Variants in UNC5D observed in about 807,000 individuals in gnomAD.
The protein encoded by UNC5D is netrin receptor UNC5D.
A neutral mutation model predicts 105.4 loss-of-function variants in UNC5D; 39 were observed. The ratio of observed to expected loss-of-function variants is 0.37; its 90% CI spans 0.29 to 0.48. The LOEUF (loss-of-function observed/expected upper bound fraction) is 0.48, where lower values mean the gene tolerates loss of function less well. Among genes scored for constraint, UNC5D ranks in the 20% least tolerant of loss-of-function variants. The pLI is 0.98. For missense variants in UNC5D, 991 were observed against 1,202.4 expected (o/e 0.82, Z 2.60); for synonymous variants, 452 against 450.4 (o/e 1.00, Z -0.04).
chr8:35,289,416 A>G (rs1442342331), intron 1 of UNC5D, among the ~76,000 whole-genome samples: 1 of 152,224 alleles, frequency 6.6e-6, no homozygotes, highest in African/African-American at 2.4e-5. Flanking sequence ...TAGCAGGGGA[A>G]TCTGAACACC....
intron 11 of UNC5D, among the ~76,000 whole-genome samples, chr8:35,746,522 G>T (rs1830014549): frequency 6.6e-6 from 1 of 152,090 alleles, no homozygotes; most frequent in Non-Finnish European, 1.5e-5. Context: ...GTAAGGAAAT[G>T]CCTAATGCCT....
At chr8:35,405,944 T>G (rs1804775391) in intron 1 of UNC5D, among the ~76,000 whole-genome samples, 2 of 152,222 alleles carry the variant, frequency 1.3e-5, no homozygotes, top group Admixed American at 6.5e-5. Flanking sequence ...ATTCTAGGTT[T>G]GCAGACTTAA....
At chr8:35,350,274 G>T (rs769694687) in intron 1 of UNC5D, among the ~76,000 whole-genome samples, 2 of 151,800 alleles carry the variant, frequency 1.3e-5, no homozygotes, top group African/African-American at 4.8e-5. Flanking sequence ...ACAAATTGTA[G>T]CATAGTCATT....
At chr8:35,393,169 G>T (rs1435934808) in intron 1 of UNC5D, among the ~76,000 whole-genome samples, 1 of 112,004 alleles carries the variant, frequency 8.9e-6, no homozygotes, top group African/African-American at 3.5e-5. Context: ...GAGTCTCGCT[G>T]TCGCCCAGGC....
intron 1 of UNC5D, among the ~76,000 whole-genome samples, chr8:35,426,714 C>T (rs1011961742): frequency 6.6e-6 from 1 of 152,064 alleles, no homozygotes; most frequent in African/African-American, 2.4e-5. Context: ...TTTTGTTGCA[C>T]CCACATGCCC....
chr8:35,621,689 T>G (rs973357031), intron 4 of UNC5D, among the ~76,000 whole-genome samples: 3 of 152,154 alleles, frequency 2.0e-5, no homozygotes, highest in African/African-American at 7.2e-5. Flanking sequence ...AGGTCAAAAA[T>G]TCACACCATA....
chr8:35,750,790 A>G lies in UNC5D; in HGVS notation c.2144A>G (p.Asn715Ser). Residue 715 changes from asparagine (N) to serine (S), a missense_variant, in exon 13 of 17, where the codon AAT becomes AGT. Coordinates refer to ENST00000404895, the MANE Select transcript of UNC5D (RefSeq NM_080872.4). ...AACTTGAGAGTTTACTGTGTGGACA[A>G]TACCCCTTGTGCATTTCAGGTTAGC... Reference protein sequence around the residue: ...DYNLRVYCVDNTPCAFQEVVS... With the variant: ...DYNLRVYCVDSTPCAFQEVVS... 1.2e-6 allele frequency: 2 copies of G among 1,614,126 alleles called. No individual in the cohort carries two copies. The highest frequency in any genetic ancestry group is 1.7e-5 in the Admixed American group (1 of 60,026).
At chr8:35,633,259 A>T (rs894485048) in intron 4 of UNC5D, among the ~76,000 whole-genome samples, 4 of 152,118 alleles carry the variant, frequency 2.6e-5, no homozygotes, top group African/African-American at 7.2e-5. Context: ...ATATCTCTAC[A>T]TGCTTGTTCA....
chr8:35,495,689 A>T (rs751407473), intron 1 of UNC5D, among the ~76,000 whole-genome samples: 1 of 151,980 alleles, frequency 6.6e-6, no homozygotes, highest in African/African-American at 2.4e-5. Flanking sequence ...TTCTCAGTTT[A>T]CCTGGGTTCA....
At chr8:35,587,283 AACAC>A (rs35992580) in intron 3 of UNC5D, among the ~76,000 whole-genome samples, 16 of 150,190 alleles carry the variant, frequency 1.1e-4, no homozygotes, top group South Asian at 6.4e-4. Context: ...GTACCATTCA[AACAC>A]ACACACACAC....
chr8:35,526,901 C>G (rs1236280593), intron 1 of UNC5D, among the ~76,000 whole-genome samples: 1 of 152,146 alleles, frequency 6.6e-6, no homozygotes, highest in Non-Finnish European at 1.5e-5. Context: ...ACACGGTCTT[C>G]CTCCTTGACC....
At chr8:35,569,011 A>G (rs1250087097) in intron 3 of UNC5D, among the ~76,000 whole-genome samples, 1 of 151,802 alleles carries the variant, frequency 6.6e-6, no homozygotes, top group East Asian at 1.9e-4. Flanking sequence ...AAACATGGAA[A>G]TGGGTTTTAA....
At chr8:35,365,019 TAG>T (rs1802036162) in intron 1 of UNC5D, among the ~76,000 whole-genome samples, 1 of 152,120 alleles carries the variant, frequency 6.6e-6, no homozygotes, top group African/African-American at 2.4e-5. Flanking sequence ...GCATTTATAA[TAG>T]AGTTAGTTTC....
chr8:35,370,750 T>C (rs919615304), intron 1 of UNC5D, among the ~76,000 whole-genome samples: 7 of 152,170 alleles, frequency 4.6e-5, no homozygotes, highest in Non-Finnish European at 5.9e-5. Flanking sequence ...CAACAATGGT[T>C]GTAGTTTAAT....
intron 1 of UNC5D, among the ~76,000 whole-genome samples, chr8:35,403,537 G>T (rs1347992133): frequency 3.3e-5 from 5 of 152,172 alleles, no homozygotes; most frequent in Non-Finnish European, 7.3e-5. Flanking sequence ...AAGTATTTTG[G>T]ATTTCTTTGC....
intron 1 of UNC5D, among the ~76,000 whole-genome samples, chr8:35,474,732 G>A (rs1809966496): frequency 6.6e-6 from 1 of 152,160 alleles, no homozygotes; most frequent in Non-Finnish European, 1.5e-5. Context: ...AACTGTATGT[G>A]AGCAGGAAAT....
At chr8:35,731,219 CGAAAG>C in intron 11 of UNC5D, 123 bp downstream of exon 11, 1 of 828,776 alleles carries the variant, frequency 1.2e-6, no homozygotes, top group Non-Finnish European at 1.9e-6. Flanking sequence ...GCCAACATGG[CGAAAG>C]CCTGTCTCTA....
intron 1 of UNC5D, among the ~76,000 whole-genome samples, chr8:35,261,246 C>T (rs1454101143): frequency 1.3e-5 from 2 of 152,120 alleles, no homozygotes; most frequent in Non-Finnish European, 2.9e-5. Context: ...TAAGGCAAAC[C>T]TATCTTAATT....
chr8:35,705,674 G>C (rs1827527651), intron 7 of UNC5D, among the ~76,000 whole-genome samples: 1 of 152,102 alleles, frequency 6.6e-6, no homozygotes, highest in African/African-American at 2.4e-5. Context: ...GCAACAGAGA[G>C]AAATGCTAGT....
Sources: gnomAD v4.1 joint callset for allele counts (sites outside exome capture counted in the v4.1 genomes callset) on GRCh38, gnomAD v4.1.1 for gene constraint, MANE v1.5 for transcripts, NCBI Gene and HGNC (gene_info 2026-07-23, HGNC 2026-07-21) for gene names.